Variants in HSPBP1 observed in about 807,000 individuals in gnomAD.
The protein encoded by HSPBP1 is hsp70-binding protein 1.
A neutral mutation model predicts 41.7 loss-of-function variants in HSPBP1; 31 were observed. That is an observed-to-expected ratio of 0.74 (90% CI 0.56 to 1.00). The LOEUF is 1.00. Among genes scored for constraint, HSPBP1 ranks in the 50% least tolerant of loss-of-function variants. The probability of loss-of-function intolerance (pLI) is 0.00; values close to 1 mark genes in which losing one functional copy is unlikely to be tolerated. For synonymous variants in HSPBP1, 199 were observed against 214.4 expected (o/e 0.93, Z 0.63); for missense variants, 439 against 487.9 (o/e 0.90, Z 0.94).
chr19:55,266,843 C>A (rs1351889351), intron 4 of HSPBP1, among the ~76,000 whole-genome samples: 1 of 152,162 alleles, frequency 6.6e-6, no homozygotes, highest in Non-Finnish European at 1.5e-5. Flanking sequence ...CCAAAGGAAA[C>A]CTATGAGCAG....
Position 55,272,933 on chromosome 19 carries a change from A to G in HSPBP1, c.640+1465T>C, listed in dbSNP as rs2087963915. Among the ~76,000 whole-genome samples, 1 of 152,228 alleles carries G rather than the reference A, an allele frequency of 6.6e-6. No individual in the cohort carries two copies. The highest frequency in any genetic ancestry group is 1.5e-5 in the Non-Finnish European group (1 of 68,048). On this transcript the variant is annotated intron_variant, in intron 4 of 7. Coordinates refer to ENST00000433386, the MANE Select transcript of HSPBP1 (RefSeq NM_012267.5). This position sits in a 1 kb window ranked among gnomAD's most constrained non-coding sequence, Gnocchi z 4.2. ...ACCCCGAACGCGTCTGATCACATCT[A>G]AAATTAGAGAGTGATGATGGCTGCA...
chr19:55,262,510 C>T lies in HSPBP1; in HGVS notation c.*98G>A, dbSNP rs2087670949. ...GCTGGCACACCCTGGGTCCAGGCAC[C>T]TAGGCCCTGCGATCCCTTGGGAGAG... On this transcript the variant is annotated 3_prime_UTR_variant, in exon 8 of 8. Transcript: ENST00000433386. 1 of 1,545,350 alleles carries T rather than the reference C, an allele frequency of 6.5e-7. No homozygotes were observed. Among genetic ancestry groups the T allele is most frequent in the African/African-American group, 1.4e-5 (1 of 73,478 alleles).
chr19:55,265,866 C>A lies in HSPBP1; in HGVS notation c.893+20G>T, dbSNP rs1035492686. 1 of 1,578,818 alleles carries A rather than the reference C, an allele frequency of 6.3e-7. No individual in the cohort carries two copies. The highest frequency in any genetic ancestry group is 1.9e-5 in the Admixed American group (1 of 53,252). On this transcript the variant is annotated intron_variant, in intron 6 of 7. Transcript: ENST00000433386. The stretch of plus-strand genomic sequence containing the variant: ...CGGGGCCCCCACCCCAGGCCCCGTC[C>A]TCTCAAGGAGCCAAAGTACCTGCAC...
chr19:55,271,254 A>G (rs969658762), intron 4 of HSPBP1, among the ~76,000 whole-genome samples: 1 of 151,478 alleles, frequency 6.6e-6, no homozygotes, highest in African/African-American at 2.4e-5. Flanking sequence ...TCTGTCACCC[A>G]GGCTGGAGTG....
intron 7 of HSPBP1, among the ~76,000 whole-genome samples, chr19:55,264,660 A>G (rs907428828): frequency 6.6e-6 from 1 of 152,160 alleles, no homozygotes; most frequent in Middle Eastern, 3.2e-3. Context: ...TTCAATTTAC[A>G]TTTACTTAAT....
chr19:55,279,346 C>T (rs1280002988), intron 2 of HSPBP1, 53 bp downstream of exon 2: 3 of 1,499,750 alleles, frequency 2.0e-6, no homozygotes, highest in Non-Finnish European at 2.7e-6. Flanking sequence ...CCCAAGGCAA[C>T]TCTATCTGTC....
chr19:55,265,342 TC>T lies in HSPBP1; in HGVS notation c.940del (p.Glu314AsnfsTer126), dbSNP rs769190535. ...GCGGAGGAGCTCCTCCAGGCCCAGTTCCGGCTCCCGACACTCGCGCACACCC... is the reference window on the plus strand; with the variant it reads ...GCGGAGGAGCTCCTCCAGGCCCAGTTCGGCTCCCGACACTCGCGCACACCC... ...PQGVRECREPELGLEELLRHR... is the reference protein window; with the variant it reads ...PQGVRECREPXLGLEELLRHR... On this transcript the variant is annotated frameshift_variant, in exon 7 of 8. Transcript: ENST00000433386. LOFTEE classifies it high-confidence loss of function. 1 of 1,612,936 alleles carries T rather than the reference TC, an allele frequency of 6.2e-7. No individual in the cohort carries two copies. The highest frequency in any genetic ancestry group is 1.7e-5 in the Admixed American group (1 of 59,960).
rs538907337 is a variant in HSPBP1, at chr19:55,279,640, A to G, written c.-32T>C. 6.4e-7 allele frequency: 1 copy of G among 1,556,170 alleles called. No homozygotes were observed. Among genetic ancestry groups the G allele is most frequent in the Non-Finnish European group, 8.7e-7 (1 of 1,150,704 alleles). On this transcript the variant is annotated 5_prime_UTR_variant, in exon 2 of 8. Coordinates refer to ENST00000433386, the MANE Select transcript of HSPBP1 (RefSeq NM_012267.5). The stretch of plus-strand genomic sequence containing the variant: ...TTTGTGAAGAAGGGAAGAATGTGTT[A>G]GAGGGAGAAGGTGGTCACCGCTGAA...
chr19:55,262,327 CAA>C lies in HSPBP1; in HGVS notation c.*279_*280del. ...CCCATGCACCCTCCAAAGGAGATGA[CAA>C]AGGCGGCAGTGAAGGAGGAGAAGGA... On this transcript the variant is annotated 3_prime_UTR_variant, in exon 8 of 8. Coordinates refer to ENST00000433386, the MANE Select transcript of HSPBP1 (RefSeq NM_012267.5). 8.0e-7 allele frequency: 1 copy of C among 1,255,676 alleles called. No individual in the cohort carries two copies. Among genetic ancestry groups the C allele is most frequent in the Non-Finnish European group, 1.0e-6 (1 of 989,428 alleles). The allele number at this position is 1,255,676 out of a possible 1,614,324, so 77.8% of individuals were successfully genotyped here. A position where few individuals can be genotyped will look rare whatever the true frequency, so the allele number is the denominator to read the frequency against.
At chr19:55,276,603 C>G (rs1318186506) in intron 3 of HSPBP1, among the ~76,000 whole-genome samples, 1 of 152,168 alleles carries the variant, frequency 6.6e-6, no homozygotes, top group African/African-American at 2.4e-5. Context: ...CAGCACAGTG[C>G]TTAGCACACA....
At position 55,270,758 on chromosome 19, in the gene HSPBP1, C is replaced by A. The variant is rs1458998477; in HGVS notation, c.640+3640G>T. On this transcript the variant is annotated intron_variant, in intron 4 of 7. Transcript: ENST00000433386. The surrounding 1 kb of genome is among the most constrained non-coding windows in gnomAD (Gnocchi z 5.4). ...ACACCACATCCACACATCCCACACA[C>A]GCCATGCACATCCACACACCACACA... Among the ~76,000 whole-genome samples, 1 of 151,384 alleles carries A rather than the reference C, an allele frequency of 6.6e-6. No homozygotes were observed. Among genetic ancestry groups the A allele is most frequent in the Non-Finnish European group, 1.5e-5 (1 of 67,826 alleles).
intron 7 of HSPBP1, among the ~76,000 whole-genome samples, chr19:55,264,357 G>A (rs1056299154): frequency 2.0e-5 from 3 of 152,184 alleles, no homozygotes; most frequent in Admixed American, 6.5e-5. Flanking sequence ...AGGTGGGTGC[G>A]TTTGCTAAGC....
Position 55,268,393 on chromosome 19 carries a change from A to G in HSPBP1, c.641-2107T>C, listed in dbSNP as rs1193987350. ...TGCAGTGAGCCGAGATTGCGCCATT[A>G]CACTCCAGCCTGAGCAAAAAGAGCG... On this transcript the variant is annotated intron_variant, in intron 4 of 7. Coordinates refer to ENST00000433386, the MANE Select transcript of HSPBP1 (RefSeq NM_012267.5). This position sits in a 1 kb window ranked among gnomAD's most constrained non-coding sequence, Gnocchi z 4.5. Among the ~76,000 whole-genome samples the G allele has an allele frequency of 1.3e-5, 2 of 152,088 alleles. No individual in the cohort carries two copies. The highest frequency in any genetic ancestry group is 2.9e-5 in the Non-Finnish European group (2 of 68,002).
At chr19:55,276,245 C>G (rs1328839257) in intron 3 of HSPBP1, among the ~76,000 whole-genome samples, 1 of 151,914 alleles carries the variant, frequency 6.6e-6, no homozygotes, top group Non-Finnish European at 1.5e-5. Context: ...CAAATTCATA[C>G]AGCCAAAACG....
At chr19:55,266,938 A>C (rs2087804470) in intron 4 of HSPBP1, among the ~76,000 whole-genome samples, 2 of 152,148 alleles carry the variant, frequency 1.3e-5, no homozygotes, top group South Asian at 4.1e-4. Flanking sequence ...CAGACATTTA[A>C]TATAAATGTG....
chr19:55,267,423 T>C (rs1600136890), intron 4 of HSPBP1, among the ~76,000 whole-genome samples: 1 of 151,710 alleles, frequency 6.6e-6, no homozygotes, highest in African/African-American at 2.4e-5. Context: ...AGTGCTGGGA[T>C]TACAGGCATG....
intron 4 of HSPBP1, among the ~76,000 whole-genome samples, chr19:55,274,184 G>A (rs987392331): frequency 6.6e-6 from 1 of 152,210 alleles, no homozygotes; most frequent in African/African-American, 2.4e-5. Flanking sequence ...GTCTCCCCGG[G>A]AAGTGGTCAC....
chr19:55,276,628 GA>G (rs1323548286), intron 3 of HSPBP1, among the ~76,000 whole-genome samples: 13 of 152,184 alleles, frequency 8.5e-5, no homozygotes, highest in Admixed American at 4.6e-4. Context: ...CTGCTCAACA[GA>G]TATTTCCTGA....
intron 4 of HSPBP1, among the ~76,000 whole-genome samples, chr19:55,267,464 C>CTT (rs76720832): frequency 4.1e-5 from 6 of 146,876 alleles, no homozygotes; most frequent in Admixed American, 2.7e-4. Context: ...TCATCTCTCT[C>CTT]TTTTTTTTTT....
Sources: allele counts gnomAD v4.1 joint callset (sites outside exome capture counted in the v4.1 genomes callset), GRCh38; gene constraint gnomAD v4.1.1; non-coding constraint Gnocchi (gnomAD v3.1); transcripts MANE v1.5; gene names NCBI Gene and HGNC (gene_info 2026-07-23, HGNC 2026-07-21).